ARFRP1: variants seen among roughly 807,000 people sequenced by gnomAD.
ARFRP1 encodes the protein ADP-ribosylation factor-related protein 1.
Under a neutral mutation model 30.3 loss-of-function variants are expected in ARFRP1, and 19 were observed. That is an observed-to-expected ratio of 0.63 (90% CI 0.44 to 0.92). The LOEUF is 0.92. Among genes scored for constraint, ARFRP1 ranks in the 40% least tolerant of loss-of-function variants. The probability of loss-of-function intolerance (pLI) is 0.00; values close to 1 mark genes in which losing one functional copy is unlikely to be tolerated. For synonymous variants in ARFRP1, 133 were observed against 114.2 expected (o/e 1.16, Z -1.05); for missense variants, 245 against 267.5 (o/e 0.92, Z 0.59).
intron 6 of ARFRP1, chr20:63,701,070 T>A: frequency 2.5e-6 from 1 of 400,022 alleles, no homozygotes; most frequent in Non-Finnish European, 5.1e-6. Flanking sequence ...GTGGGAGCCC[T>A]GCATCAGTGA....
At position 63,699,602 on chromosome 20, in the gene ARFRP1, G is replaced by C. The variant is rs1160527453; in HGVS notation, c.*841C>G. ...CAGACTGAGGAAGAACACAGCACTCGGCAGGCCCAGTGGGGTCCGTGCAGG... is the reference window on the plus strand; with the variant it reads ...CAGACTGAGGAAGAACACAGCACTCCGCAGGCCCAGTGGGGTCCGTGCAGG... On this transcript the variant is annotated 3_prime_UTR_variant, in exon 8 of 8. Transcript: ENST00000622789. 6.6e-6 allele frequency: 1 copy of C among 152,358 alleles called. No homozygotes were observed. Among genetic ancestry groups the C allele is most frequent in the Admixed American group, 6.5e-5 (1 of 15,270 alleles). 9.4% of individuals were successfully genotyped at this position (152,358 alleles called of 1,614,324 possible). A position where few individuals can be genotyped will look rare whatever the true frequency, so the allele number is the denominator to read the frequency against.
rs746628640 is a variant in ARFRP1, at chr20:63,702,479, G to A, written c.265-262C>T. 1.5e-4 allele frequency: 78 copies of A among 511,482 alleles called. 1 individual carries two copies. Among genetic ancestry groups the A allele is most frequent in the Non-Finnish European group, 7.8e-5 (22 of 281,548 alleles). 31.7% of individuals were successfully genotyped at this position (511,482 alleles called of 1,614,324 possible). A position where few individuals can be genotyped will look rare whatever the true frequency, so the allele number is the denominator to read the frequency against. ...GTGAAAGACAGGGATTGGGCCAGGC[G>A]TGGTGGCTCACACTTATTATCCCAA... On this transcript the variant is annotated intron_variant, in intron 4 of 7. Transcript: ENST00000622789.
chr20:63,707,943 G>C lies in ARFRP1; in HGVS notation c.-83C>G, dbSNP rs2091578932. 1 of 152,212 alleles carries C rather than the reference G, an allele frequency of 6.6e-6. No individual in the cohort carries two copies. The highest frequency in any genetic ancestry group is 6.5e-5 in the Admixed American group (1 of 15,270). The allele number at this position is 152,212 out of a possible 1,614,324, so 9.4% of individuals were successfully genotyped here. On this transcript the variant is annotated 5_prime_UTR_variant, in exon 1 of 8. Coordinates refer to ENST00000622789, the MANE Select transcript of ARFRP1 (RefSeq NM_001267547.3). ...GCTGACCCCGCGCTAACCCCGCGCG[G>C]CGCCTGACGGGACGCGGGCCGGCCT... is the stretch of plus-strand genomic sequence containing the variant.
In ARFRP1 at chr20:63,699,320, G is replaced by GCCCCTTCC. The variant is rs2091076634; in HGVS notation, c.*1115_*1122dup. 6.6e-6 allele frequency: 1 copy of GCCCCTTCC among 151,978 alleles called. No homozygotes were observed. The highest frequency in any genetic ancestry group is 1.5e-5 in the Non-Finnish European group (1 of 68,092). 9.4% of individuals were successfully genotyped at this position (151,978 alleles called of 1,614,324 possible). A position where few individuals can be genotyped will look rare whatever the true frequency, so the allele number is the denominator to read the frequency against. On this transcript the variant is annotated 3_prime_UTR_variant, in exon 8 of 8. Transcript: ENST00000622789. ...CTGCGCCACCCCCACCCTGACTCAT[G>GCCCCTTCC]CCCCTTCCCAGCAGCTCCTCCCAGG...
At position 63,699,665 on chromosome 20, in the gene ARFRP1, C is replaced by G. The variant is rs527848093; in HGVS notation, c.*778G>C. 9.2e-5 allele frequency: 14 copies of G among 152,974 alleles called. No homozygotes were observed. The highest frequency in any genetic ancestry group is 3.1e-4 in the African/African-American group (13 of 41,566). The allele number at this position is 152,974 out of a possible 1,614,324, so 9.5% of individuals were successfully genotyped here. A position where few individuals can be genotyped will look rare whatever the true frequency, so the allele number is the denominator to read the frequency against. ...ACCAGCCTTACTCCCGAGCAGGGGA[C>G]ACAGGGCCCCACAGAGAACCCCTCC... On this transcript the variant is annotated 3_prime_UTR_variant, in exon 8 of 8. Transcript: ENST00000622789.
At position 63,702,127 on chromosome 20, in the gene ARFRP1, C is replaced by G; in HGVS notation, c.346+9G>C. ...TCCATCCCTCCCAGAGCAGCCAGGC[C>G]GCACTCACCAAACGCCTGCTTGGAC... On this transcript the variant is annotated intron_variant, in intron 5 of 7. Transcript: ENST00000622789. 2 of 1,609,950 alleles carry G rather than the reference C, an allele frequency of 1.2e-6. No homozygotes were observed. The highest frequency in any genetic ancestry group is 1.7e-6 in the Non-Finnish European group (2 of 1,179,124).
Position 63,700,334 on chromosome 20 carries a change from A to C in ARFRP1, c.*109T>G. ...TCGAGAAAACAAAGTAAATAGAAGAACCCCAAAGCAAAGCAAACCCACCCC... is the reference window on the plus strand; with the variant it reads ...TCGAGAAAACAAAGTAAATAGAAGACCCCCAAAGCAAAGCAAACCCACCCC... On this transcript the variant is annotated 3_prime_UTR_variant, in exon 8 of 8. Coordinates refer to ENST00000622789, the MANE Select transcript of ARFRP1 (RefSeq NM_001267547.3). 6.9e-7 allele frequency: 1 copy of C among 1,457,220 alleles called. No individual in the cohort carries two copies. Among genetic ancestry groups the C allele is most frequent in the Non-Finnish European group, 9.3e-7 (1 of 1,073,394 alleles). The allele number at this position is 1,457,220 out of a possible 1,614,324, so 90.3% of individuals were successfully genotyped here.
chr20:63,706,927 G>A, intron 2 of ARFRP1, 72 bp downstream of exon 2: 2 of 1,563,476 alleles, frequency 1.3e-6, no homozygotes, highest in Admixed American at 3.4e-5. Context: ...TGAACGTGCA[G>A]CTGACAGCAC....
chr20:63,702,299 T>C (rs2091255429), intron 4 of ARFRP1, 82 bp from the exon 5 acceptor site: 2 of 1,349,080 alleles, frequency 1.5e-6, no homozygotes, highest in African/African-American at 2.9e-5. Flanking sequence ...ATGGCCACAG[T>C]GAGGGGCTCA....
Position 63,699,885 on chromosome 20 carries a change from A to G in ARFRP1, c.*558T>C. 1.2e-5 allele frequency: 2 copies of G among 166,104 alleles called. No homozygotes were observed. The highest frequency in any genetic ancestry group is 1.2e-4 in the Admixed American group (2 of 17,070). The allele number at this position is 166,104 out of a possible 1,614,324, so 10.3% of individuals were successfully genotyped here. A position where few individuals can be genotyped will look rare whatever the true frequency, so the allele number is the denominator to read the frequency against. ...GTATAGGTCTTCCCCCGCAGGCCTC[A>G]GCCCTGTCCCGAGGCTGCATCACAA... On this transcript the variant is annotated 3_prime_UTR_variant, in exon 8 of 8. Coordinates refer to ENST00000622789, the MANE Select transcript of ARFRP1 (RefSeq NM_001267547.3).
chr20:63,702,405 G>A (rs576762361), intron 4 of ARFRP1, 188 bp from the exon 5 acceptor site: 7 of 607,978 alleles, frequency 1.2e-5, no homozygotes, highest in South Asian at 5.9e-5. Context: ...GTCCCCAGAC[G>A]CTGCTCCTGA....
Position 63,701,960 on chromosome 20 carries a change from G to T in ARFRP1, c.347-60C>A. 5.5e-6 allele frequency: 8 copies of T among 1,467,138 alleles called. No individual in the cohort carries two copies. The South Asian group carries it at 9.7e-5, about 18-fold the overall frequency. The allele number at this position is 1,467,138 out of a possible 1,614,324, so 90.9% of individuals were successfully genotyped here. ...AGCATCCTGCCTCTGACTGCCCAGG[G>T]GCCCACAGGCGTGGACACTGTGACA... On this transcript the variant is annotated intron_variant, in intron 5 of 7. Transcript: ENST00000622789.
chr20:63,706,271 C>T, intron 4 of ARFRP1, 86 bp downstream of exon 4: 1 of 1,280,840 alleles, frequency 7.8e-7, no homozygotes, highest in Admixed American at 1.7e-5. Flanking sequence ...GTAAGGAAAA[C>T]TGCTGAGGAA....
At chr20:63,706,132 C>A in intron 4 of ARFRP1, 1 of 508,758 alleles carries the variant, frequency 2.0e-6, no homozygotes. Flanking sequence ...TCGCAGGGAA[C>A]TCCCAAGTGG....
chr20:63,707,126 A>T, intron 1 of ARFRP1, 29 bp from the exon 2 acceptor site: 1 of 1,563,084 alleles, frequency 6.4e-7, no homozygotes, highest in Non-Finnish European at 8.7e-7. Flanking sequence ...GTCAGTGTGC[A>T]GCCAGAAAGC....
intron 4 of ARFRP1, 87 bp downstream of exon 4, chr20:63,706,270 A>G (rs1291211): frequency 0.93 from 1,162,232 of 1,249,654 alleles, 540,896 homozygotes; most frequent in East Asian, 0.99. Context: ...GGTAAGGAAA[A>G]CTGCTGAGGA....
chr20:63,702,381 G>C (rs990487441), intron 4 of ARFRP1, 164 bp from the exon 5 acceptor site: 3 of 664,786 alleles, frequency 4.5e-6, no homozygotes, highest in Non-Finnish European at 5.1e-6. Flanking sequence ...GTTGCGGGGA[G>C]ATCTGGTGGA....
At position 63,698,779 on chromosome 20, in the gene ARFRP1, C is replaced by A; in HGVS notation, c.*1664G>T. ...CTCAGGCTGCCTGCCATCAGAACTG[C>A]TGCCCGGGGCTTCCCCTACCTCAGA... On this transcript the variant is annotated 3_prime_UTR_variant, in exon 8 of 8. Transcript: ENST00000622789. The A allele has an allele frequency of 2.0e-6, 1 of 496,688 alleles. No homozygotes were observed. The highest frequency in any genetic ancestry group is 3.3e-6 in the Non-Finnish European group (1 of 298,796). The allele number at this position is 496,688 out of a possible 1,614,324, so 30.8% of individuals were successfully genotyped here. A position where few individuals can be genotyped will look rare whatever the true frequency, so the allele number is the denominator to read the frequency against.
rs2091500069 is a variant in ARFRP1 at position 63,706,891 on chromosome 20, G to A, written c.93+108C>T. 2.2e-6 allele frequency: 3 copies of A among 1,360,272 alleles called. No homozygotes were observed. In the African/African-American group the frequency reaches 4.3e-5, roughly 19 times the overall value. The allele number at this position is 1,360,272 out of a possible 1,614,324, so 84.3% of individuals were successfully genotyped here. A position where few individuals can be genotyped will look rare whatever the true frequency, so the allele number is the denominator to read the frequency against. ...GGTGGTGACTATCCTGCCGTCTCAGGTGAAATTTGGCTTCCGTCTGGGTAG... is the reference window on the plus strand; with the variant it reads ...GGTGGTGACTATCCTGCCGTCTCAGATGAAATTTGGCTTCCGTCTGGGTAG... On this transcript the variant is annotated intron_variant, in intron 2 of 7. Transcript: ENST00000622789.
Sources: gnomAD v4.1 joint callset for allele counts on GRCh38, gnomAD v4.1.1 for gene constraint, MANE v1.5 for transcripts, NCBI Gene and HGNC (gene_info 2026-07-23, HGNC 2026-07-21) for gene names.